HDAC4: variants seen among roughly 807,000 people sequenced by gnomAD.
HDAC4 encodes the protein histone deacetylase A.
A neutral mutation model predicts 135.1 loss-of-function variants in HDAC4; 16 were observed. That is an observed-to-expected ratio of 0.12 (90% CI 0.08 to 0.18). The LOEUF (loss-of-function observed/expected upper bound fraction) is 0.18, where lower values mean the gene tolerates loss of function less well. Among genes scored for constraint, HDAC4 ranks in the 10% least tolerant of loss-of-function variants. The probability of loss-of-function intolerance (pLI) is 1.00; values close to 1 mark genes in which losing one functional copy is unlikely to be tolerated. For missense variants in HDAC4, 1,143 were observed against 1,511.8 expected (o/e 0.76, Z 4.05); for synonymous variants, 685 against 653.4 (o/e 1.05, Z -0.74).
At chr2:239,169,215 A>T (rs2043296923) in intron 5 of HDAC4, among the ~76,000 whole-genome samples, 1 of 152,238 alleles carries the variant, frequency 6.6e-6, no homozygotes, top group Non-Finnish European at 1.5e-5. Flanking sequence ...TTGATAAGCA[A>T]CTATTTTCCC....
intron 1 of HDAC4, among the ~76,000 whole-genome samples, chr2:239,357,125 C>A (rs936750685): frequency 2.6e-5 from 4 of 152,164 alleles, no homozygotes; most frequent in Non-Finnish European, 4.4e-5. Flanking sequence ...GATAGAACAC[C>A]TTCTGGGCCA....
intron 1 of HDAC4, among the ~76,000 whole-genome samples, chr2:239,354,420 T>C (rs1252159357): frequency 2.0e-5 from 3 of 152,168 alleles, no homozygotes; most frequent in East Asian, 1.9e-4. Context: ...AGTCACTAGA[T>C]GAACCCAAAA....
At chr2:239,081,297 C>T (rs2035297983) in intron 21 of HDAC4, 105 bp from the exon 22 acceptor site, 1 of 933,596 alleles carries the variant, frequency 1.1e-6, no homozygotes, top group South Asian at 1.4e-5. Flanking sequence ...CCTTGGTGGG[C>T]CCCTGGGGAG....
intron 2 of HDAC4, among the ~76,000 whole-genome samples, chr2:239,316,246 T>C (rs935129561): frequency 3.9e-5 from 6 of 152,290 alleles, no homozygotes; most frequent in Admixed American, 2.6e-4. Context: ...AAAAATCTAA[T>C]AAAATGATAT....
At chr2:239,079,353 C>T (rs2035073370) in intron 22 of HDAC4, among the ~76,000 whole-genome samples, 1 of 152,158 alleles carries the variant, frequency 6.6e-6, no homozygotes, top group African/African-American at 2.4e-5. Context: ...CACTGAGGAG[C>T]AGATGAACTC....
chr2:239,152,813 T>C (rs547184371), intron 7 of HDAC4, among the ~76,000 whole-genome samples: 320 of 152,134 alleles, frequency 2.1e-3, no homozygotes, highest in Non-Finnish European at 3.5e-3. Flanking sequence ...TTACCAGTCA[T>C]TGGATGGAGA....
intron 3 of HDAC4, among the ~76,000 whole-genome samples, chr2:239,191,579 T>TG (rs35678640): frequency 6.6e-6 from 1 of 152,176 alleles, no homozygotes; most frequent in Non-Finnish European, 1.5e-5. Context: ...GGAAATGCTT[T>TG]GGGGGAGGCC....
chr2:239,369,680 A>C (rs1694470051), intron 1 of HDAC4, among the ~76,000 whole-genome samples: 1 of 152,192 alleles, frequency 6.6e-6, no homozygotes, highest in African/African-American at 2.4e-5. Context: ...AAACTCATGA[A>C]GTCAAGAAGT....
intron 2 of HDAC4, among the ~76,000 whole-genome samples, chr2:239,337,511 C>T (rs1044579303): frequency 1.3e-5 from 2 of 152,158 alleles, no homozygotes; most frequent in South Asian, 2.1e-4. Flanking sequence ...GGCCTAAATC[C>T]GGCAAGCGAG....
At chr2:239,221,651 C>G (rs879538139) in intron 3 of HDAC4, among the ~76,000 whole-genome samples, 1 of 137,624 alleles carries the variant, frequency 7.3e-6, no homozygotes, top group Non-Finnish European at 1.6e-5. Flanking sequence ...CACACACACA[C>G]AGCCTTCAAC....
At chr2:239,272,704 A>G (rs6708882) in intron 2 of HDAC4, among the ~76,000 whole-genome samples, 35,811 of 151,960 alleles carry the variant, frequency 0.24, 4,823 homozygotes, top group East Asian at 0.51. Context: ...CTCGCAGCCA[A>G]CCATCTGCAC....
chr2:239,190,639 C>T (rs575213570), intron 3 of HDAC4, among the ~76,000 whole-genome samples: 17 of 152,304 alleles, frequency 1.1e-4, no homozygotes, highest in African/African-American at 2.6e-4. Flanking sequence ...GTGAGACAAG[C>T]GCCCCCTTGG....
chr2:239,126,086 A>T (rs1480946257), intron 12 of HDAC4, among the ~76,000 whole-genome samples: 4 of 152,262 alleles, frequency 2.6e-5, no homozygotes, highest in Admixed American at 6.5e-5. Flanking sequence ...GTGTTGCCCA[A>T]GTAGACTATT....
intron 12 of HDAC4, among the ~76,000 whole-genome samples, chr2:239,123,654 T>C (rs3791446): frequency 0.24 from 36,154 of 152,206 alleles, 7,327 homozygotes; most frequent in African/African-American, 0.54. Flanking sequence ...TCAAAGCCTT[T>C]GACCACTGCG....
chr2:239,197,916 C>T (rs1371244104), intron 3 of HDAC4, among the ~76,000 whole-genome samples: 1 of 147,734 alleles, frequency 6.8e-6, no homozygotes, highest in Non-Finnish European at 1.5e-5. Flanking sequence ...TGCAGTGGTG[C>T]GATCTTGGCT....
intron 2 of HDAC4, among the ~76,000 whole-genome samples, chr2:239,339,401 C>T (rs1692155114): frequency 1.3e-5 from 2 of 152,188 alleles, no homozygotes; most frequent in South Asian, 4.1e-4. Flanking sequence ...TGGGCCCAGT[C>T]CAGGTCACCC....
At position 239,250,932 on chromosome 2, in the gene HDAC4, G is replaced by A. The variant is rs138954997; in HGVS notation, c.23-14268C>T. On this transcript the variant is annotated intron_variant, in intron 2 of 26. Transcript: ENST00000543185. ...CTGCAGACCCGGGGAACCTGCCCACGTGTGTTCACGTGCCCCCGCCACACG... is the reference window on the plus strand; with the variant it reads ...CTGCAGACCCGGGGAACCTGCCCACATGTGTTCACGTGCCCCCGCCACACG... 2.0e-3 allele frequency among the ~76,000 whole-genome samples: 308 copies of A among 152,276 alleles called. 2 individuals carry two copies. Among genetic ancestry groups the A allele is most frequent in the African/African-American group, 7.1e-3 (295 of 41,570 alleles).
chr2:239,141,660 T>C lies in HDAC4; in HGVS notation c.866-1864A>G, dbSNP rs1217467669. On this transcript the variant is annotated intron_variant, in intron 8 of 26. Coordinates refer to ENST00000543185, the MANE Select transcript of HDAC4 (RefSeq NM_001378414.1). This position sits in a 1 kb window ranked among gnomAD's most constrained non-coding sequence, Gnocchi z 4.9. Reference sequence around the variant, plus strand: ...CGTAGCCCACCCTAGACCCCTGCTCTCTGATGTCAAGCTGTCTCCAGCTAC... The same window carrying C: ...CGTAGCCCACCCTAGACCCCTGCTCCCTGATGTCAAGCTGTCTCCAGCTAC... Among the ~76,000 whole-genome samples the C allele has an allele frequency of 6.6e-6, 1 of 152,074 alleles. No homozygotes were observed. The highest frequency in any genetic ancestry group is 6.5e-5 in the Admixed American group (1 of 15,272).
In HDAC4 at chr2:239,262,798, G is replaced by C. The variant is rs541563002; in HGVS notation, c.23-26134C>G. Among the ~76,000 whole-genome samples the C allele has an allele frequency of 1.7e-4, 26 of 152,338 alleles. No individual in the cohort carries two copies. The highest frequency in any genetic ancestry group is 5.3e-4 in the African/African-American group (22 of 41,588). On this transcript the variant is annotated intron_variant, in intron 2 of 26. Coordinates refer to ENST00000543185, the MANE Select transcript of HDAC4 (RefSeq NM_001378414.1). The surrounding 1 kb of genome is among the most constrained non-coding windows in gnomAD (Gnocchi z 4.1). ...GAGGAGGCCTGTGCTCAGGCACTAA[G>C]GACACGGAGGGACTGTTCTGGGATC...
Sources: gnomAD v4.1 joint callset for allele counts (sites outside exome capture counted in the v4.1 genomes callset) on GRCh38, gnomAD v4.1.1 for gene constraint, Gnocchi (gnomAD v3.1) non-coding constraint, MANE v1.5 for transcripts, NCBI Gene and HGNC (gene_info 2026-07-23, HGNC 2026-07-21) for gene names.